ASIC2: variants seen among roughly 807,000 people sequenced by gnomAD.
ASIC2 encodes acid-sensing ion channel 2.
A neutral mutation model predicts 57.3 loss-of-function variants in ASIC2; 25 were observed. The ratio of observed to expected loss-of-function variants is 0.44; its 90% CI spans 0.32 to 0.61. ASIC2 has a LOEUF of 0.61. Among genes scored for constraint, ASIC2 ranks in the 20% least tolerant of loss-of-function variants. ASIC2 has a pLI of 0.06. For synonymous variants in ASIC2, 319 were observed against 307.5 expected (o/e 1.04, Z -0.39); for missense variants, 641 against 738.1 (o/e 0.87, Z 1.52).
chr17:34,120,722 C>CTTTTTTTTTTTT (rs142959293), intron 1 of ASIC2, among the ~76,000 whole-genome samples: 3 of 94,622 alleles, frequency 3.2e-5, no homozygotes, highest in Non-Finnish European at 3.9e-5. Flanking sequence ...TGGGGTCCTT[C>CTTTTTTTTTTTT]TTTTTTTTTT....
At position 33,427,264 on chromosome 17, in the gene ASIC2, G is replaced by C. The variant is rs940183604; in HGVS notation, c.556-315197C>G. On this transcript the variant is annotated intron_variant, in intron 1 of 9. Transcript: ENST00000359872. Reference sequence around the variant, plus strand: ...TAAGAGATGGAAAAACAACAACCAAGCTTCAAAAATACTTGAGCCTCTGTA... The same window carrying C: ...TAAGAGATGGAAAAACAACAACCAACCTTCAAAAATACTTGAGCCTCTGTA... 2.0e-5 allele frequency among the ~76,000 whole-genome samples: 3 copies of C among 152,316 alleles called. No individual in the cohort carries two copies. The South Asian group carries it at 6.2e-4, about 32-fold the overall frequency.
intron 1 of ASIC2, among the ~76,000 whole-genome samples, chr17:33,834,926 C>T (rs901484205): frequency 7.2e-5 from 11 of 151,852 alleles, no homozygotes; most frequent in Non-Finnish European, 8.8e-5. Flanking sequence ...CCAAAAAAGA[C>T]AAAAAAATAG....
intron 1 of ASIC2, chr17:34,120,107 G>A (rs1260516672): frequency 6.6e-6 from 1 of 152,116 alleles, no homozygotes; most frequent in South Asian, 2.1e-4. Flanking sequence ...AACCAGATTT[G>A]CCCCTGCTTT....
chr17:33,481,749 A>G (rs1480798857), intron 1 of ASIC2, among the ~76,000 whole-genome samples: 1 of 152,114 alleles, frequency 6.6e-6, no homozygotes, highest in Non-Finnish European at 1.5e-5. Flanking sequence ...GACCTGGTGC[A>G]CCTTTTCCTT....
chr17:33,664,159 G>A (rs1907396321), intron 1 of ASIC2, among the ~76,000 whole-genome samples: 1 of 152,126 alleles, frequency 6.6e-6, no homozygotes, highest in African/African-American at 2.4e-5. Context: ...GATAGACTCC[G>A]CCTCCTCTGA....
At chr17:33,144,354 G>T (rs74706204) in intron 1 of ASIC2, among the ~76,000 whole-genome samples, 1 of 151,938 alleles carries the variant, frequency 6.6e-6, no homozygotes, top group Non-Finnish European at 1.5e-5. Flanking sequence ...GAGAGAGAGC[G>T]GGTGGGATAG....
At chr17:33,614,839 A>C (rs1905540740) in intron 1 of ASIC2, among the ~76,000 whole-genome samples, 1 of 152,230 alleles carries the variant, frequency 6.6e-6, no homozygotes, top group South Asian at 2.1e-4. Flanking sequence ...TGAATCAGAT[A>C]GCTTGGGTTT....
In ASIC2 at chr17:33,565,254, C is replaced by T. The variant is rs527278027; in HGVS notation, c.556-453187G>A. On this transcript the variant is annotated intron_variant, in intron 1 of 9. Transcript: ENST00000359872. ...TTCCATATGAGCCATCCAACTCTGT[C>T]GGCTGGGAACTTCTACCCTCATTGC... Among the ~76,000 whole-genome samples the T allele has an allele frequency of 3.0e-4, 46 of 152,308 alleles. No homozygotes were observed. In the South Asian group the frequency reaches 4.2e-3, roughly 14 times the overall value.
At chr17:33,654,623 T>C (rs1907023449) in intron 1 of ASIC2, among the ~76,000 whole-genome samples, 1 of 152,212 alleles carries the variant, frequency 6.6e-6, no homozygotes, top group South Asian at 2.1e-4. Context: ...TTTGTATCTC[T>C]TAGAGTCTTG....
intron 1 of ASIC2, among the ~76,000 whole-genome samples, chr17:34,153,676 G>A (rs1383130457): frequency 6.6e-6 from 1 of 152,134 alleles, no homozygotes; most frequent in Admixed American, 6.5e-5. Context: ...TGCTTTTTCT[G>A]ATACTCCCTG....
rs182439509 is a variant in ASIC2, at chr17:33,438,476, C to T, written c.556-326409G>A. ...ACTTGCAAATTTTCTTCTTTATAAG[C>T]TGGAATCTTCACATAGTAAGACAAA... On this transcript the variant is annotated intron_variant, in intron 1 of 9. Transcript: ENST00000359872. Among the ~76,000 whole-genome samples the T allele has an allele frequency of 2.0e-5, 3 of 152,256 alleles. No individual in the cohort carries two copies. In the East Asian group the frequency reaches 5.8e-4, roughly 29 times the overall value.
chr17:33,317,260 C>G (rs1806231418), intron 1 of ASIC2, among the ~76,000 whole-genome samples: 1 of 152,184 alleles, frequency 6.6e-6, no homozygotes, highest in African/African-American at 2.4e-5. Flanking sequence ...GAGTACCAGG[C>G]ATGCTGTGAG....
chr17:33,285,295 G>T (rs1037143310), intron 1 of ASIC2, among the ~76,000 whole-genome samples: 1 of 152,122 alleles, frequency 6.6e-6, no homozygotes, highest in African/African-American at 2.4e-5. Flanking sequence ...TAATTTCCCC[G>T]AAGTCAAATA....
chr17:33,090,094 C>T (rs912607121), intron 2 of ASIC2, among the ~76,000 whole-genome samples: 1 of 152,168 alleles, frequency 6.6e-6, no homozygotes, highest in Non-Finnish European at 1.5e-5. Flanking sequence ...GCCTCTGCCT[C>T]GAGGCACCAT....
chr17:34,105,067 C>A (rs1910994626), intron 1 of ASIC2, among the ~76,000 whole-genome samples: 1 of 151,980 alleles, frequency 6.6e-6, no homozygotes, highest in African/African-American at 2.4e-5. Context: ...GGCACTGGAA[C>A]CAAGAGTTTA....
intron 1 of ASIC2, among the ~76,000 whole-genome samples, chr17:33,506,577 T>G (rs1914270227): frequency 6.6e-6 from 1 of 152,184 alleles, no homozygotes; most frequent in Admixed American, 6.5e-5. Flanking sequence ...TATGGGGGTG[T>G]GTGTGTGTGT....
At chr17:33,644,667 T>C (rs1906686028) in intron 1 of ASIC2, among the ~76,000 whole-genome samples, 2 of 152,374 alleles carry the variant, frequency 1.3e-5, no homozygotes, top group South Asian at 2.1e-4. Flanking sequence ...GGATAAGGTA[T>C]GTTTAGTATT....
chr17:33,193,254 G>C (rs1179986421), intron 1 of ASIC2, among the ~76,000 whole-genome samples: 1 of 152,128 alleles, frequency 6.6e-6, no homozygotes, highest in Non-Finnish European at 1.5e-5. Flanking sequence ...CAGAGATTAG[G>C]GACTTAGTTT....
intron 1 of ASIC2, among the ~76,000 whole-genome samples, chr17:33,483,791 C>A (rs1913490840): frequency 1.3e-5 from 2 of 152,188 alleles, no homozygotes; most frequent in African/African-American, 4.8e-5. Flanking sequence ...TAATAGCCCA[C>A]AAATTGTCCA....
Sources: allele counts gnomAD v4.1 joint callset (sites outside exome capture counted in the v4.1 genomes callset), GRCh38; gene constraint gnomAD v4.1.1; transcripts MANE v1.5; gene names NCBI Gene and HGNC (gene_info 2026-07-23, HGNC 2026-07-21).